GALNT9: variants seen among roughly 807,000 people sequenced by gnomAD.
GALNT9 encodes the protein GalNAc transferase 9.
A neutral mutation model predicts 63.1 loss-of-function variants in GALNT9; 47 were observed. The ratio of observed to expected loss-of-function variants is 0.75; its 90% CI spans 0.59 to 0.95. GALNT9 has a LOEUF of 0.95. GALNT9 is among the 40% of genes least tolerant of loss of function. GALNT9 has a pLI of 0.00. For synonymous variants in GALNT9, 396 were observed against 365.7 expected (o/e 1.08, Z -0.94); for missense variants, 829 against 874.8 (o/e 0.95, Z 0.66).
Position 132,286,314 on chromosome 12 carries a change from A to G in GALNT9, c.355T>C (p.Tyr119His), listed in dbSNP as rs1371516541. Residue 119 changes from tyrosine (Y) to histidine (H), a missense_variant, in exon 2 of 11, where the codon TAC (tyrosine) becomes CAC (histidine). Physicochemically the swap from Tyr to His is moderately conservative, Grantham distance 83. Transcript: ENST00000328957. The surrounding 1 kb of genome is among the most constrained non-coding windows in gnomAD (Gnocchi z 7.4). ...ATGCGGTCGCTGAGCTGAGCGTTGT[A>G]GCCGTACTCCTCATACTTGCCTTCC... ...EAEGKYEEYG[Y>H]NAQLSDRISL... is the part of the protein sequence containing the mutation. 2.6e-6 allele frequency: 4 copies of G among 1,551,148 alleles called. No homozygotes were observed. The highest frequency in any genetic ancestry group is 1.4e-5 in the African/African-American group (1 of 73,034).
rs1284383524 is a variant in GALNT9 at position 132,279,532 on chromosome 12, G to A, written c.419+6718C>T. 1 of 152,466 alleles carries A rather than the reference G, an allele frequency of 6.6e-6. No individual in the cohort carries two copies. Among genetic ancestry groups the A allele is most frequent in the African/African-American group, 2.4e-5 (1 of 41,446 alleles). 9.4% of individuals were successfully genotyped at this position (152,466 alleles called of 1,614,324 possible). On this transcript the variant is annotated intron_variant, in intron 2 of 10. Transcript: ENST00000328957. This position sits in a 1 kb window ranked among gnomAD's most constrained non-coding sequence, Gnocchi z 4.1. ...GCTCCTGCACCCTCCGGCTTCTGTT[G>A]GGTTCAGTTCTGGGAGGCAGCCCCG...
At chr12:132,306,787 C>T (rs1229064280) in intron 1 of GALNT9, among the ~76,000 whole-genome samples, 3 of 152,190 alleles carry the variant, frequency 2.0e-5, no homozygotes, top group Non-Finnish European at 4.4e-5. Flanking sequence ...ATCATCACTG[C>T]GGTAATGGAA....
rs575217706 is a variant in GALNT9 at position 132,196,840 on chromosome 12, G to A, written c.*267C>T. 131 of 1,277,546 alleles carry A rather than the reference G, an allele frequency of 1.0e-4. No individual in the cohort carries two copies. In the African/African-American group the frequency reaches 1.6e-3, roughly 15 times the overall value. 79.1% of individuals were successfully genotyped at this position (1,277,546 alleles called of 1,614,324 possible). ...CCCAGCAGCCTGGCCAGGAGATACC[G>A]TGGAGAAGGCACGTGTTTGAGTTGG... is the stretch of plus-strand genomic sequence containing the variant. On this transcript the variant is annotated 3_prime_UTR_variant, in exon 11 of 11. Transcript: ENST00000328957.
At position 132,257,780 on chromosome 12, in the gene GALNT9, C is replaced by T. The variant is rs781805095; in HGVS notation, c.868G>A (p.Ala290Thr). Residue 290 changes from alanine to threonine, a missense_variant, in exon 5 of 11, where the codon GCC becomes ACC. By Grantham distance (58) the Ala-to-Thr change is moderately conservative (BLOSUM62 0). Transcript: ENST00000328957. Reference protein sequence around the residue: ...STFEVQQYANAAHGYNWGLWC... With the variant: ...STFEVQQYANTAHGYNWGLWC... ...AGGCCCCAGTTGTAGCCATGGGCGGCGTTCGCATACTGCTGCACCTCAAAC... is the reference window on the plus strand; with the variant it reads ...AGGCCCCAGTTGTAGCCATGGGCGGTGTTCGCATACTGCTGCACCTCAAAC... 116 of 1,550,304 alleles carry T rather than the reference C, an allele frequency of 7.5e-5. 1 individual carries two copies. The highest frequency in any genetic ancestry group is 1.2e-4 in the East Asian group (5 of 40,930).
chr12:132,201,141 T>G lies in GALNT9; in HGVS notation c.1384A>C (p.Thr462Pro), dbSNP rs1481551743. The stretch of plus-strand genomic sequence containing the variant: ...GGTGCTACCTCTCCGTACGTGAGGG[T>G]GTTGTTGTAGACCCTCATCTCCGGG... ...VYPEMRVYNN[T>P]LTYGEVRNSK... The change falls in exon 8 of 11, where the codon ACC (threonine) becomes CCC (proline). Residue 462 changes from threonine (T) to proline (P), a missense_variant. Physicochemically the swap from Thr to Pro is conservative, Grantham distance 38 (BLOSUM62 -1). Coordinates refer to ENST00000328957, the MANE Select transcript of GALNT9 (RefSeq NM_001122636.2). 1 of 1,612,858 alleles carries G rather than the reference T, an allele frequency of 6.2e-7. No individual in the cohort carries two copies.
intron 6 of GALNT9, among the ~76,000 whole-genome samples, chr12:132,239,954 G>C (rs2136897591): frequency 0.15 from 23,093 of 152,044 alleles, 1,896 homozygotes; most frequent in East Asian, 0.22. Context: ...CCGCCTGCCT[G>C]GGAGCTGCTA....
intron 5 of GALNT9, among the ~76,000 whole-genome samples, chr12:132,253,800 A>G (rs1197065391): frequency 6.6e-6 from 1 of 152,208 alleles, no homozygotes; most frequent in Non-Finnish European, 1.5e-5. Context: ...GATCACGGAA[A>G]TGCCGTCCTG....
At chr12:132,227,720 C>T (rs1197572611) in intron 6 of GALNT9, among the ~76,000 whole-genome samples, 5 of 152,204 alleles carry the variant, frequency 3.3e-5, no homozygotes, top group East Asian at 3.9e-4. Flanking sequence ...GGGGTGTAGT[C>T]GTATTGTCAT....
intron 2 of GALNT9, among the ~76,000 whole-genome samples, chr12:132,264,529 A>G (rs1202663604): frequency 6.6e-6 from 1 of 152,218 alleles, no homozygotes; most frequent in Non-Finnish European, 1.5e-5. Flanking sequence ...CTTGAGTTTA[A>G]TCTCAGGAAG....
chr12:132,267,665 CAA>C (rs1488942065), intron 2 of GALNT9, among the ~76,000 whole-genome samples: 1 of 150,860 alleles, frequency 6.6e-6, no homozygotes, highest in African/African-American at 2.5e-5. Context: ...TGAAGCTAGA[CAA>C]AGAGAAAGAT....
intron 5 of GALNT9, among the ~76,000 whole-genome samples, chr12:132,257,483 C>CCA (rs1555239180): frequency 6.8e-6 from 1 of 147,422 alleles, no homozygotes; most frequent in African/African-American, 2.6e-5. Flanking sequence ...GCCCTCGTCC[C>CCA]CGGCCCTCGT....
At chr12:132,312,275 C>T (rs1555245260) in intron 1 of GALNT9, among the ~76,000 whole-genome samples, 1 of 152,214 alleles carries the variant, frequency 6.6e-6, no homozygotes, top group African/African-American at 2.4e-5. Context: ...TTTATGGGGC[C>T]AAAGCAAGGG....
chr12:132,212,886 G>A (rs1310725090), intron 6 of GALNT9, among the ~76,000 whole-genome samples: 4 of 97,608 alleles, frequency 4.1e-5, no homozygotes, highest in African/African-American at 4.1e-5. Flanking sequence ...ACCTCGACAC[G>A]GAAACCCCAC....
chr12:132,203,481 G>C, intron 7 of GALNT9, 24 bp downstream of exon 7: 1 of 1,611,132 alleles, frequency 6.2e-7, no homozygotes, highest in African/African-American at 1.3e-5. Flanking sequence ...CATGGCCCCG[G>C]CTCCCGGCCT....
chr12:132,196,490 G>C lies in GALNT9; in HGVS notation c.*617C>G. On this transcript the variant is annotated 3_prime_UTR_variant, in exon 11 of 11. Transcript: ENST00000328957. ...GCCCCAACCCCCAGCTCGGCTCCCA[G>C]GAAGACACACACAGTGCTGCTGCCT... is the stretch of plus-strand genomic sequence containing the variant. 1.0e-6 allele frequency: 1 copy of C among 985,576 alleles called. No homozygotes were observed. Among genetic ancestry groups the C allele is most frequent in the Non-Finnish European group, 1.2e-6 (1 of 830,030 alleles). 61.1% of individuals were successfully genotyped at this position (985,576 alleles called of 1,614,324 possible). A position where few individuals can be genotyped will look rare whatever the true frequency, so the allele number is the denominator to read the frequency against.
At chr12:132,218,048 C>T (rs941093603) in intron 6 of GALNT9, among the ~76,000 whole-genome samples, 1 of 151,896 alleles carries the variant, frequency 6.6e-6, no homozygotes. Flanking sequence ...ACCCACTCAT[C>T]CAGCCACTCA....
At position 132,260,991 on chromosome 12, in the gene GALNT9, CTG is replaced by C; in HGVS notation, c.716_717del (p.Pro239ArgfsTer6). The C allele has an allele frequency of 6.5e-7, 1 of 1,548,818 alleles. No homozygotes were observed. Among genetic ancestry groups the C allele is most frequent in the Non-Finnish European group, 8.7e-7 (1 of 1,146,152 alleles). On this transcript the variant is annotated frameshift_variant, in exon 4 of 11. Coordinates refer to ENST00000328957, the MANE Select transcript of GALNT9 (RefSeq NM_001122636.2). LOFTEE classifies it high-confidence loss of function. ...RLQGWKAATAPVVGFFDAHVE... is the reference protein window; with the variant it reads ...RLQGWKAATAXVVGFFDAHVE... ...ACGTGGGCATCAAAGAAGCCGACGACTGGGGCGGTGGCCGCCTTCCAGCCCTG... is the reference window on the plus strand; with the variant it reads ...ACGTGGGCATCAAAGAAGCCGACGACGGGCGGTGGCCGCCTTCCAGCCCTG...
chr12:132,269,430 C>T (rs1879783687), intron 2 of GALNT9, among the ~76,000 whole-genome samples: 2 of 152,064 alleles, frequency 1.3e-5, no homozygotes, highest in Admixed American at 6.5e-5. Context: ...GTCCTCCGGG[C>T]GGGAGCCACG....
Position 132,319,472 on chromosome 12 carries a change from G to T in GALNT9, c.238+9494C>A. 1.3e-5 allele frequency among the ~76,000 whole-genome samples: 2 copies of T among 152,130 alleles called. No homozygotes were observed. The highest frequency in any genetic ancestry group is 3.9e-4 in the East Asian group (2 of 5,184). On this transcript the variant is annotated intron_variant, in intron 1 of 10. Transcript: ENST00000328957. The surrounding 1 kb of genome is among the most constrained non-coding windows in gnomAD (Gnocchi z 5.2). The stretch of plus-strand genomic sequence containing the variant: ...CTGGCTCTTAGGTCTCTGCACTCAG[G>T]CCAAAGGACCCCACCCAGCTTCCCG...
Sources: allele counts gnomAD v4.1 joint callset (sites outside exome capture counted in the v4.1 genomes callset), GRCh38; gene constraint gnomAD v4.1.1; non-coding constraint Gnocchi (gnomAD v3.1); transcripts MANE v1.5; gene names NCBI Gene and HGNC (gene_info 2026-07-23, HGNC 2026-07-21).